The following WDPCP variants were observed in gnomAD, a reference collection of about 807,000 sequenced individuals.
The protein encoded by WDPCP is WD repeat-containing and planar cell polarity effector protein fritz homolog.
In WDPCP, 71 loss-of-function variants were observed where a neutral mutation model predicts 93.1. The ratio of observed to expected loss-of-function variants is 0.76; its 90% CI spans 0.63 to 0.93. The LOEUF is 0.93. Among genes scored for constraint, WDPCP ranks in the 40% least tolerant of loss-of-function variants. The pLI is 0.00. For missense variants in WDPCP, 844 were observed against 887.4 expected, an observed-to-expected ratio of 0.95 and a Z score of 0.62; for synonymous variants, 315 against 315.0, an observed-to-expected ratio of 1.00 and a Z score of 0.00.
intron 2 of WDPCP, among the ~76,000 whole-genome samples, chr2:63,738,562 T>C (rs963252912): frequency 2.0e-5 from 3 of 152,110 alleles, no homozygotes; most frequent in African/African-American, 7.2e-5. Flanking sequence ...TAGAATTAAA[T>C]GGTGATTTTT....
intron 12 of WDPCP, among the ~76,000 whole-genome samples, chr2:63,319,985 A>G (rs1686963141): frequency 6.6e-6 from 1 of 152,234 alleles, no homozygotes; most frequent in Non-Finnish European, 1.5e-5. Flanking sequence ...AGAAGAAATC[A>G]TAATAGAAAT....
intron 1 of WDPCP, among the ~76,000 whole-genome samples, chr2:63,522,453 C>A (rs58916070): frequency 2.0e-4 from 24 of 120,754 alleles, no homozygotes; most frequent in African/African-American, 6.3e-4. Context: ...GACAGACAGA[C>A]AGACACACAC....
chr2:63,799,265 G>T (rs1670660139), intron 2 of WDPCP, among the ~76,000 whole-genome samples: 1 of 152,212 alleles, frequency 6.6e-6, no homozygotes, highest in South Asian at 2.1e-4. Context: ...GTTAGTTGTT[G>T]AATTCAGGGG....
At chr2:63,708,918 C>T (rs1463984035) in intron 2 of WDPCP, among the ~76,000 whole-genome samples, 3 of 151,548 alleles carry the variant, frequency 2.0e-5, no homozygotes, top group African/African-American at 7.3e-5. Flanking sequence ...CCAATAGCTA[C>T]CCATTCTTAA....
chr2:63,699,592 G>A (rs138300157), intron 2 of WDPCP, among the ~76,000 whole-genome samples: 1 of 152,256 alleles, frequency 6.6e-6, no homozygotes, highest in Non-Finnish European at 1.5e-5. Context: ...GTTAAGGGAG[G>A]CAGAGGAAGA....
rs141227490 is a variant in WDPCP at position 63,356,889 on chromosome 2, T to C, written c.1748+21497A>G. Among the ~76,000 whole-genome samples the C allele has an allele frequency of 1.8e-3, 271 of 152,296 alleles. 1 individual carries two copies. The highest frequency in any genetic ancestry group is 6.1e-3 in the African/African-American group (252 of 41,574). On this transcript the variant is annotated intron_variant, in intron 12 of 17. Coordinates refer to ENST00000272321, the MANE Select transcript of WDPCP (RefSeq NM_015910.7). The stretch of plus-strand genomic sequence containing the variant: ...TACTTCAAAGTATACTACAGGGCTA[T>C]AGTAACTAAAACAGCGTGCTACTGG...
chr2:63,314,757 G>A (rs1346894059), intron 12 of WDPCP, among the ~76,000 whole-genome samples: 1 of 151,014 alleles, frequency 6.6e-6, no homozygotes, highest in East Asian at 2.0e-4. Flanking sequence ...TCAATTATCA[G>A]TGGCTTACAA....
chr2:63,788,877 A>G (rs977210148), intron 2 of WDPCP, among the ~76,000 whole-genome samples: 1 of 152,128 alleles, frequency 6.6e-6, no homozygotes, highest in African/African-American at 2.4e-5. Context: ...AGTATCACAC[A>G]TATCTATCTA....
chr2:63,413,361 A>G (rs1352245941), intron 9 of WDPCP, among the ~76,000 whole-genome samples: 1 of 152,222 alleles, frequency 6.6e-6, no homozygotes, highest in Non-Finnish European at 1.5e-5. Context: ...CACCTTGTAC[A>G]AAAATCAACT....
intron 3 of WDPCP, among the ~76,000 whole-genome samples, chr2:63,631,811 C>A (rs1448138258): frequency 2.6e-5 from 4 of 152,202 alleles, no homozygotes; most frequent in Non-Finnish European, 4.4e-5. Context: ...ACTCCAGCAA[C>A]CTTTGCTGCT....
intron 3 of WDPCP, chr2:63,622,281 G>C: frequency 2.5e-6 from 4 of 1,605,754 alleles, no homozygotes; most frequent in Non-Finnish European, 3.4e-6. Flanking sequence ...CTTCTCCTTG[G>C]CTTCCTTGGC....
chr2:63,145,427 G>A (rs986769255), intron 17 of WDPCP, among the ~76,000 whole-genome samples: 1 of 152,146 alleles, frequency 6.6e-6, no homozygotes, highest in Non-Finnish European at 1.5e-5. Context: ...GGCAGGTCTT[G>A]CTGTGCCTGC....
chr2:63,511,037 G>C (rs987990356), intron 1 of WDPCP, among the ~76,000 whole-genome samples: 1 of 152,108 alleles, frequency 6.6e-6, no homozygotes, highest in African/African-American at 2.4e-5. Context: ...AAGCTGATAA[G>C]CAACTTCAGC....
Position 63,550,205 on chromosome 2 carries a change from ACACACAC to A in WDPCP, c.75+37985_75+37991del, listed in dbSNP as rs1705490533. 2.1e-5 allele frequency among the ~76,000 whole-genome samples: 3 copies of A among 145,864 alleles called. No homozygotes were observed. In the South Asian group the frequency reaches 6.6e-4, roughly 32 times the overall value. On this transcript the variant is annotated intron_variant, in intron 1 of 17. Coordinates refer to ENST00000272321, the MANE Select transcript of WDPCP (RefSeq NM_015910.7). ...CCCATCTTAAGAAACACACACACAC[ACACACAC>A]ACACACACACACACACACACACACA...
chr2:63,373,535 G>A (rs1350491226), intron 12 of WDPCP, among the ~76,000 whole-genome samples: 1 of 150,074 alleles, frequency 6.7e-6, no homozygotes, highest in Non-Finnish European at 1.5e-5. Flanking sequence ...GGGATTACAG[G>A]TGTGAGCCAA....
At chr2:63,303,823 G>C (rs1164039411) in intron 13 of WDPCP, among the ~76,000 whole-genome samples, 1 of 152,114 alleles carries the variant, frequency 6.6e-6, no homozygotes, top group Non-Finnish European at 1.5e-5. Flanking sequence ...GTGGGCAAAA[G>C]AGATAGACAT....
chr2:63,505,618 T>C (rs1263097002), intron 1 of WDPCP, among the ~76,000 whole-genome samples: 1 of 152,122 alleles, frequency 6.6e-6, no homozygotes, highest in Non-Finnish European at 1.5e-5. Flanking sequence ...GAAAAACATA[T>C]TTGAAAATTT....
chr2:63,675,234 C>G (rs569205690), intron 2 of WDPCP, among the ~76,000 whole-genome samples: 60 of 152,290 alleles, frequency 3.9e-4, no homozygotes, highest in African/African-American at 1.3e-3. Flanking sequence ...TTCATTGGGA[C>G]TCTTCTACCA....
intron 1 of WDPCP, among the ~76,000 whole-genome samples, chr2:63,817,944 T>C (rs747500183): frequency 4.6e-5 from 7 of 152,150 alleles, no homozygotes; most frequent in Non-Finnish European, 1.0e-4. Context: ...CAATTCTTAG[T>C]TATTCCATTT....
Sources: allele counts gnomAD v4.1 joint callset (sites outside exome capture counted in the v4.1 genomes callset), GRCh38; gene constraint gnomAD v4.1.1; transcripts MANE v1.5; gene names NCBI Gene and HGNC (gene_info 2026-07-23, HGNC 2026-07-21).